Variants in MAP3K9 observed in about 807,000 individuals in gnomAD.
The protein encoded by MAP3K9 is mixed lineage kinase 1 (tyr and ser/thr specificity).
Under a neutral mutation model 95.8 loss-of-function variants are expected in MAP3K9, and 46 were observed. The observed-to-expected ratio is 0.48, with a 90% confidence interval of 0.38 to 0.61. The LOEUF (loss-of-function observed/expected upper bound fraction) is 0.61. Ranked by LOEUF, MAP3K9 falls within the 20% of genes least tolerant of loss-of-function variation. The probability of loss-of-function intolerance (pLI) is 0.00; values close to 1 mark genes in which losing one functional copy is unlikely to be tolerated. For missense variants in MAP3K9, 1,296 were observed against 1,474.3 expected (o/e 0.88, Z 1.98); for synonymous variants, 533 against 593.8 (o/e 0.90, Z 1.49).
At chr14:70,763,898 C>G (rs1594787911) in intron 2 of MAP3K9, among the ~76,000 whole-genome samples, 1 of 151,926 alleles carries the variant, frequency 6.6e-6, no homozygotes, top group Admixed American at 6.5e-5. Context: ...AAAAAGTTAA[C>G]TGTCAGGCCG....
At chr14:70,799,144 A>T (rs574687098) in intron 2 of MAP3K9, among the ~76,000 whole-genome samples, 2 of 151,982 alleles carry the variant, frequency 1.3e-5, no homozygotes, top group East Asian at 3.9e-4. Context: ...GCACTTTCTA[A>T]TTTTCTACAA....
chr14:70,740,014 C>T, intron 7 of MAP3K9, 28 bp downstream of exon 7: 1 of 1,614,100 alleles, frequency 6.2e-7, no homozygotes, highest in East Asian at 2.2e-5. Context: ...TGTGTTCTGG[C>T]CCCAGCTAAT....
At chr14:70,733,605 A>G (rs2053944180) in intron 10 of MAP3K9, among the ~76,000 whole-genome samples, 1 of 152,212 alleles carries the variant, frequency 6.6e-6, no homozygotes, top group Non-Finnish European at 1.5e-5. Context: ...CATTTCTTTC[A>G]TAAGGGATCT....
At chr14:70,750,472 ATTG>A (rs2054209717) in intron 3 of MAP3K9, among the ~76,000 whole-genome samples, 1 of 151,984 alleles carries the variant, frequency 6.6e-6, no homozygotes, top group African/African-American at 2.4e-5. Context: ...CACTATCATT[ATTG>A]TTTTTTGTTT....
chr14:70,778,939 GGAAGGGGCTCCTTA>G (rs1434909733), intron 2 of MAP3K9, among the ~76,000 whole-genome samples: 1 of 152,190 alleles, frequency 6.6e-6, no homozygotes, highest in Non-Finnish European at 1.5e-5. Flanking sequence ...AATGTACAGA[GGAAGGGGCTCCTTA>G]GAAGGGGCTC....
chr14:70,773,536 G>A (rs559233750), intron 2 of MAP3K9, among the ~76,000 whole-genome samples: 1 of 152,346 alleles, frequency 6.6e-6, no homozygotes, highest in African/African-American at 2.4e-5. Context: ...AGGCCACTCA[G>A]AACATTTACT....
At chr14:70,742,939 G>A (rs1446010342) in intron 5 of MAP3K9, among the ~76,000 whole-genome samples, 1 of 141,152 alleles carries the variant, frequency 7.1e-6, no homozygotes, top group Non-Finnish European at 1.5e-5. Flanking sequence ...ATATATATAG[G>A]TTTGAATAGA....
intron 2 of MAP3K9, chr14:70,783,165 A>G (rs2054703613): frequency 4.9e-6 from 3 of 608,252 alleles, no homozygotes; most frequent in Non-Finnish European, 6.2e-6. Context: ...GAAACCTAAA[A>G]TTGGCCAGAT....
intron 5 of MAP3K9, among the ~76,000 whole-genome samples, chr14:70,744,922 T>C (rs913166470): frequency 6.6e-6 from 1 of 152,202 alleles, no homozygotes; most frequent in Non-Finnish European, 1.5e-5. Context: ...CCACATCAGA[T>C]GGCAGAACCT....
intron 1 of MAP3K9, among the ~76,000 whole-genome samples, chr14:70,802,917 T>C (rs2054946421): frequency 6.6e-6 from 1 of 152,100 alleles, no homozygotes; most frequent in Non-Finnish European, 1.5e-5. Flanking sequence ...ATTTTCATGT[T>C]GAAATGTAAG....
Position 70,809,263 on chromosome 14 carries a change from C to A in MAP3K9, c.-92G>T, listed in dbSNP as rs938695759. 1.6e-6 allele frequency: 2 copies of A among 1,235,148 alleles called. No individual in the cohort carries two copies. Among genetic ancestry groups the A allele is most frequent in the Admixed American group, 4.3e-5 (1 of 23,398 alleles). The allele number at this position is 1,235,148 out of a possible 1,614,324, so 76.5% of individuals were successfully genotyped here. A position where few individuals can be genotyped will look rare whatever the true frequency, so the allele number is the denominator to read the frequency against. Reference sequence around the variant, plus strand: ...TGCGCCTCCGCAGAGCTGGGAGGACCCCCCCCCAACGACGGCGGCCGCAGG... The same window carrying A: ...TGCGCCTCCGCAGAGCTGGGAGGACACCCCCCCAACGACGGCGGCCGCAGG... On this transcript the variant is annotated 5_prime_UTR_variant, in exon 1 of 12. Coordinates refer to ENST00000554752, the MANE Select transcript of MAP3K9 (RefSeq NM_001284230.2).
intron 2 of MAP3K9, among the ~76,000 whole-genome samples, chr14:70,793,393 C>T (rs1470609349): frequency 3.3e-5 from 5 of 152,300 alleles, no homozygotes; most frequent in African/African-American, 1.2e-4. Context: ...GGATGAAAAG[C>T]AAATTCCATA....
rs1194228307 is a variant in MAP3K9, at chr14:70,723,292, G to A, written c.*7088C>T. On this transcript the variant is annotated 3_prime_UTR_variant, in exon 12 of 12. Transcript: ENST00000554752. ...GCACCTGCAGGCTGGAAACAGGAGA[G>A]AGGCTCACGGCCTTCAGTGGTATTG... 1 of 152,354 alleles carries A rather than the reference G, an allele frequency of 6.6e-6. No homozygotes were observed. The highest frequency in any genetic ancestry group is 1.5e-5 in the Non-Finnish European group (1 of 68,172). 9.4% of individuals were successfully genotyped at this position (152,354 alleles called of 1,614,324 possible). A position where few individuals can be genotyped will look rare whatever the true frequency, so the allele number is the denominator to read the frequency against.
chr14:70,748,736 G>T, intron 5 of MAP3K9, 93 bp downstream of exon 5: 1 of 930,768 alleles, frequency 1.1e-6, no homozygotes, highest in South Asian at 1.8e-5. Context: ...AGTCAGACTC[G>T]GTCCAGAGGT....
chr14:70,803,417 GA>G (rs112757371), intron 1 of MAP3K9, among the ~76,000 whole-genome samples: 1,575 of 125,700 alleles, frequency 0.013, 37 homozygotes, highest in African/African-American at 0.043. Flanking sequence ...ACACTTCACT[GA>G]AAAAAAAAAA....
rs990753028 is a variant in MAP3K9, at chr14:70,764,135, G to A, written c.821-2953C>T. 4.0e-5 allele frequency among the ~76,000 whole-genome samples: 5 copies of A among 124,026 alleles called. No homozygotes were observed. In the East Asian group the frequency reaches 7.2e-4, roughly 18 times the overall value. The allele number at this position is 124,026 out of a possible 152,430, so 81.4% of individuals were successfully genotyped here. A position where few individuals can be genotyped will look rare whatever the true frequency, so the allele number is the denominator to read the frequency against. On this transcript the variant is annotated intron_variant, in intron 2 of 11. Coordinates refer to ENST00000554752, the MANE Select transcript of MAP3K9 (RefSeq NM_001284230.2). ...CGGGAAGCGGAGCTTGCAGTGAGCCGAGATTGCGCCACTGCAGTCCGCAGT... is the reference window on the plus strand; with the variant it reads ...CGGGAAGCGGAGCTTGCAGTGAGCCAAGATTGCGCCACTGCAGTCCGCAGT...
chr14:70,789,630 GTCTA>G (rs2054785317), intron 2 of MAP3K9, among the ~76,000 whole-genome samples: 2 of 152,202 alleles, frequency 1.3e-5, no homozygotes, highest in African/African-American at 4.8e-5. Flanking sequence ...TTAAATCCAA[GTCTA>G]TCTAACTCCC....
At chr14:70,802,394 A>G (rs4899371) in intron 1 of MAP3K9, among the ~76,000 whole-genome samples, 91,311 of 152,024 alleles carry the variant, frequency 0.6, 27,539 homozygotes, top group South Asian at 0.66. Context: ...CAAATCCAGA[A>G]TTTGAACCTA....
rs1283773667 is a variant in MAP3K9 at position 70,733,178 on chromosome 14, G to C, written c.2191C>G (p.Pro731Ala). 1 of 1,610,846 alleles carries C rather than the reference G, an allele frequency of 6.2e-7. No individual in the cohort carries two copies. Among genetic ancestry groups the C allele is most frequent in the East Asian group, 2.2e-5 (1 of 44,742 alleles). The change falls in exon 11 of 12, where the codon CCT (proline) becomes GCT (alanine). Residue 731 changes from proline (P) to alanine (A), a missense_variant. Pro to Ala is a conservative substitution (Grantham distance 27, BLOSUM62 -1). Transcript: ENST00000554752. ...PTPVNSATSTPQLTPTNSLKR... is the reference protein window; with the variant it reads ...PTPVNSATSTAQLTPTNSLKR... ...AGGCTGTTGGTTGGCGTCAGCTGAGGGGTACTCGTGGCCGAGTTGACTGGG... is the reference window on the plus strand; with the variant it reads ...AGGCTGTTGGTTGGCGTCAGCTGAGCGGTACTCGTGGCCGAGTTGACTGGG...
Sources: gnomAD v4.1 joint callset for allele counts (sites outside exome capture counted in the v4.1 genomes callset) on GRCh38, gnomAD v4.1.1 for gene constraint, MANE v1.5 for transcripts, NCBI Gene and HGNC (gene_info 2026-07-23, HGNC 2026-07-21) for gene names.